The following ATAD1 variants were observed in gnomAD, a reference collection of about 807,000 sequenced individuals.
The protein encoded by ATAD1 is ATPase family AAA domain containing 1.
A neutral mutation model predicts 42.7 loss-of-function variants in ATAD1; 18 were observed. The observed-to-expected ratio is 0.42, with a 90% CI of 0.29 to 0.63. The LOEUF (loss-of-function observed/expected upper bound fraction) is 0.63, where lower values mean the gene tolerates loss of function less well. Ranked by LOEUF, ATAD1 falls within the 20% of genes least tolerant of loss-of-function variation. The pLI, the probability that ATAD1 is intolerant of heterozygous loss-of-function variation, is 0.19. For missense variants in ATAD1, 294 were observed against 440.4 expected, an observed-to-expected ratio of 0.67 and a Z score of 2.98; for synonymous variants, 132 against 143.1, an observed-to-expected ratio of 0.92 and a Z score of 0.55.
intron 2 of ATAD1, among the ~76,000 whole-genome samples, chr10:87,797,324 G>GAA (rs56928396): frequency 1.3e-4 from 19 of 150,384 alleles, no homozygotes; most frequent in Non-Finnish European, 1.8e-4. Flanking sequence ...AAAGAGGAAA[G>GAA]AAAAAAAAAC....
At chr10:87,784,807 T>C in intron 4 of ATAD1, 137 bp from the exon 5 acceptor site, 2 of 768,788 alleles carry the variant, frequency 2.6e-6, no homozygotes, top group East Asian at 2.9e-5. Context: ...TTGTTTATAG[T>C]AGGTAAGATA....
intron 4 of ATAD1, among the ~76,000 whole-genome samples, chr10:87,786,077 G>A (rs1049372439): frequency 6.6e-6 from 1 of 152,066 alleles, no homozygotes; most frequent in African/African-American, 2.4e-5. Flanking sequence ...TCTTTTGGAT[G>A]GCTCATATGA....
In ATAD1 at chr10:87,778,787, A is replaced by G. The variant is rs573614409; in HGVS notation, c.584-2360T>C. Among the ~76,000 whole-genome samples the G allele has an allele frequency of 2.9e-3, 441 of 152,304 alleles. 1 individual carries two copies. The highest frequency in any genetic ancestry group is 1.0e-2 in the African/African-American group (415 of 41,568). ...TTTTTTTTTATAAAAGTAAATGCACATCTGACAAATGGTGCTGGAGCAATT... is the reference window on the plus strand; with the variant it reads ...TTTTTTTTTATAAAAGTAAATGCACGTCTGACAAATGGTGCTGGAGCAATT... On this transcript the variant is annotated intron_variant, in intron 5 of 9. Coordinates refer to ENST00000680024, the MANE Select transcript of ATAD1 (RefSeq NM_001321967.2).
chr10:87,800,320 G>A (rs1000635261), intron 2 of ATAD1, among the ~76,000 whole-genome samples: 10 of 151,834 alleles, frequency 6.6e-5, no homozygotes, highest in African/African-American at 2.2e-4. Flanking sequence ...GCATCTCACT[G>A]TTTTTAGTTT....
chr10:87,782,192 C>T (rs1855597052), intron 5 of ATAD1, among the ~76,000 whole-genome samples: 1 of 152,072 alleles, frequency 6.6e-6, no homozygotes, highest in Non-Finnish European at 1.5e-5. Flanking sequence ...TTCTCAAAAG[C>T]AACAAGATTA....
chr10:87,816,730 A>G (rs1857431861), intron 1 of ATAD1, among the ~76,000 whole-genome samples: 1 of 152,226 alleles, frequency 6.6e-6, no homozygotes, highest in Non-Finnish European at 1.5e-5. Context: ...TGACTTTTCT[A>G]GTCTTTATTC....
rs74146207 is a variant in ATAD1 at position 87,776,983 on chromosome 10, T to C, written c.584-556A>G. ...AAGTGTTTTAAAGCTGAAAACTTTA[T>C]GAAAGATTACAAAAAAATTGGGCTA... On this transcript the variant is annotated intron_variant, in intron 5 of 9. Coordinates refer to ENST00000680024, the MANE Select transcript of ATAD1 (RefSeq NM_001321967.2). 2.9e-3 allele frequency among the ~76,000 whole-genome samples: 447 copies of C among 152,314 alleles called. 1 individual carries two copies. The highest frequency in any genetic ancestry group is 0.01 in the African/African-American group (417 of 41,564).
intron 7 of ATAD1, among the ~76,000 whole-genome samples, chr10:87,770,482 T>C (rs1490075454): frequency 1.3e-5 from 2 of 152,188 alleles, no homozygotes; most frequent in African/African-American, 2.4e-5. Context: ...TAAGGTAAAC[T>C]ATGATATCTA....
At chr10:87,775,453 A>G (rs1483540906) in intron 6 of ATAD1, among the ~76,000 whole-genome samples, 2 of 148,976 alleles carry the variant, frequency 1.3e-5, no homozygotes, top group East Asian at 1.9e-4. Context: ...AGAAAATACT[A>G]AAGTTAAAAC....
At chr10:87,807,513 C>T (rs1174382666) in intron 2 of ATAD1, among the ~76,000 whole-genome samples, 4 of 152,184 alleles carry the variant, frequency 2.6e-5, no homozygotes, top group African/African-American at 9.7e-5. Flanking sequence ...ATCAATTTGA[C>T]TTTAATTTGC....
rs186458352 is a variant in ATAD1 at position 87,754,501 on chromosome 10, G to A, written c.*186C>T. The A allele has an allele frequency of 1.4e-5, 8 of 587,466 alleles. No homozygotes were observed. Among genetic ancestry groups the A allele is most frequent in the Non-Finnish European group, 2.1e-5 (8 of 389,320 alleles). The allele number at this position is 587,466 out of a possible 1,614,324, so 36.4% of individuals were successfully genotyped here. ...GCTGGATTCAACTGTTCCTCCTCAT[G>A]ATTTTTGACCAACAGTAATACCACC... On this transcript the variant is annotated 3_prime_UTR_variant, in exon 10 of 10. Coordinates refer to ENST00000680024, the MANE Select transcript of ATAD1 (RefSeq NM_001321967.2).
intron 6 of ATAD1, among the ~76,000 whole-genome samples, chr10:87,775,994 T>A (rs1434583976): frequency 6.6e-6 from 1 of 152,180 alleles, no homozygotes; most frequent in African/African-American, 2.4e-5. Context: ...TAAAAAAATG[T>A]ACACAATACC....
intron 5 of ATAD1, among the ~76,000 whole-genome samples, chr10:87,781,594 T>C (rs1855561091): frequency 6.6e-6 from 1 of 152,180 alleles, no homozygotes; most frequent in Non-Finnish European, 1.5e-5. Flanking sequence ...TGAAATACTG[T>C]ACAGAACTAA....
upstream of ATAD1, chr10:87,819,315 G>T (rs1857579271): frequency 6.9e-6 from 1 of 145,672 alleles, no homozygotes; most frequent in South Asian, 2.2e-4. Flanking sequence ...AGCTGGATTT[G>T]GTGGCGCATG....
At chr10:87,837,847 C>G (rs1278024326) in intron 1 of ATAD1, among the ~76,000 whole-genome samples, 2 of 152,182 alleles carry the variant, frequency 1.3e-5, no homozygotes, top group Non-Finnish European at 2.9e-5. Context: ...TCACCACCTG[C>G]TGACATTGCA....
intron 6 of ATAD1, among the ~76,000 whole-genome samples, chr10:87,774,247 C>T (rs967596197): frequency 3.9e-5 from 6 of 152,132 alleles, no homozygotes; most frequent in Non-Finnish European, 5.9e-5. Context: ...AAGAAGTAAA[C>T]GAATTAAGCT....
chr10:87,822,308 T>C (rs1465682989), upstream of ATAD1, among the ~76,000 whole-genome samples: 2 of 152,216 alleles, frequency 1.3e-5, no homozygotes, highest in Non-Finnish European at 2.9e-5. Flanking sequence ...CTGAATCATA[T>C]GAACCATTAT....
In ATAD1 at chr10:87,780,287, C is replaced by T. The variant is rs1314137638; in HGVS notation, c.584-3860G>A. On this transcript the variant is annotated intron_variant, in intron 5 of 9. Transcript: ENST00000680024. ...TATAGAGACAGTAAAAAAAGATCAG[C>T]GGATGCTAGCAGTTTGGGAGGAAAA... is the stretch of plus-strand genomic sequence containing the variant. Among the ~76,000 whole-genome samples, 10 of 152,118 alleles carry T rather than the reference C, an allele frequency of 6.6e-5. No individual in the cohort carries two copies. In the South Asian group the frequency reaches 8.3e-4, roughly 13 times the overall value.
intron 6 of ATAD1, among the ~76,000 whole-genome samples, chr10:87,772,718 T>C (rs188771585): frequency 6.6e-6 from 1 of 152,300 alleles, no homozygotes; most frequent in African/African-American, 2.4e-5. Context: ...CATGGCCTAT[T>C]GAGTATGTAT....
Sources: gnomAD v4.1 joint callset for allele counts (sites outside exome capture counted in the v4.1 genomes callset) on GRCh38, gnomAD v4.1.1 for gene constraint, MANE v1.5 for transcripts, NCBI Gene and HGNC (gene_info 2026-07-23, HGNC 2026-07-21) for gene names.